TACC1: variants seen among roughly 807,000 people sequenced by gnomAD.
TACC1 encodes the protein transforming acidic coiled-coil containing protein 1.
A neutral mutation model predicts 84.4 loss-of-function variants in TACC1; 48 were observed. The observed-to-expected ratio is 0.57, with a 90% confidence interval of 0.45 to 0.72. TACC1 has a LOEUF of 0.72. Among genes scored for constraint, TACC1 ranks in the 30% least tolerant of loss-of-function variants. The pLI is 0.00. For missense variants in TACC1, 920 were observed against 973.0 expected (o/e 0.95, Z 0.72); for synonymous variants, 372 against 376.3 (o/e 0.99, Z 0.13).
Position 38,838,479 on chromosome 8 carries a change from A to G in TACC1, c.1849A>G (p.Lys617Glu), listed in dbSNP as rs750654452. The G allele has an allele frequency of 6.2e-6, 10 of 1,612,792 alleles. No homozygotes were observed. The highest frequency in any genetic ancestry group is 1.7e-4 in the Middle Eastern group (1 of 6,058). The stretch of plus-strand genomic sequence containing the variant: ...CTTTATTGTACTCTAGATAATTACT[A>G]AAGAGATTGAAGCAAATGAATGGAA... ...LTLIREEIIT[K>E]EIEANEWKKK... Residue 617 changes from lysine (K) to glutamate (E), a missense_variant, in exon 8 of 13, where the codon AAA becomes GAA. Lys to Glu is a moderately conservative substitution (Grantham distance 56). This residue lies in a region of TACC1 where 158 missense variants were observed against 225.6 expected (regional missense o/e 0.70). Transcript: ENST00000317827.
chr8:38,837,377 C>T (rs1588115520), intron 7 of TACC1, among the ~76,000 whole-genome samples: 1 of 151,876 alleles, frequency 6.6e-6, no homozygotes, highest in Admixed American at 6.6e-5. Flanking sequence ...GAGCCGAGAT[C>T]GCACCATTGC....
intron 3 of TACC1, among the ~76,000 whole-genome samples, chr8:38,780,146 T>C: frequency 6.6e-6 from 1 of 152,236 alleles, no homozygotes; most frequent in Non-Finnish European, 1.5e-5. Flanking sequence ...TCCTCATCCT[T>C]CCTACAGAGC....
At chr8:38,752,616 G>A (rs555965130) in intron 3 of TACC1, among the ~76,000 whole-genome samples, 36 of 152,088 alleles carry the variant, frequency 2.4e-4, no homozygotes, top group Non-Finnish European at 5.0e-4. Flanking sequence ...TCCATCACAG[G>A]CCATGTGTCC....
intron 4 of TACC1, among the ~76,000 whole-genome samples, chr8:38,826,840 G>A (rs186589878): frequency 5.9e-5 from 9 of 151,922 alleles, no homozygotes; most frequent in African/African-American, 1.9e-4. Flanking sequence ...ATGCAATGGG[G>A]GACATAGATT....
At chr8:38,748,511 A>T (rs547281277) in intron 3 of TACC1, among the ~76,000 whole-genome samples, 3 of 152,314 alleles carry the variant, frequency 2.0e-5, no homozygotes, top group African/African-American at 7.2e-5. Flanking sequence ...TTTCAAGTGC[A>T]CATGGAATGC....
At chr8:38,806,462 ATG>A (rs1375747906) in intron 2 of TACC1, among the ~76,000 whole-genome samples, 1 of 150,208 alleles carries the variant, frequency 6.7e-6, no homozygotes. Context: ...GTGTGTGTGT[ATG>A]TGTGTGTGTG....
chr8:38,748,205 T>A (rs1419051320), intron 3 of TACC1, among the ~76,000 whole-genome samples: 3 of 151,724 alleles, frequency 2.0e-5, no homozygotes, highest in Non-Finnish European at 4.4e-5. Flanking sequence ...AAAAAAAGTA[T>A]CATAAAAGAT....
At chr8:38,740,432 C>G (rs557573229) in intron 1 of TACC1, among the ~76,000 whole-genome samples, 4 of 152,320 alleles carry the variant, frequency 2.6e-5, no homozygotes, top group Admixed American at 2.6e-4. Context: ...AAGACAGAGT[C>G]TAGGGTTGCC....
chr8:38,836,165 C>A lies in TACC1; in HGVS notation c.1717C>A (p.Leu573Met). 6.2e-7 allele frequency: 1 copy of A among 1,613,258 alleles called. No individual in the cohort carries two copies. Among genetic ancestry groups the A allele is most frequent in the Non-Finnish European group, 8.5e-7 (1 of 1,179,674 alleles). Residue 573 changes from leucine (L) to methionine (M), a missense_variant, in exon 7 of 13, where the codon CTG becomes ATG. Transcript: ENST00000317827. ...AGTGTAATCCCTTTCCCCACAGGGG[C>A]TGCTGGAGTCCTCTGCAGAGAAGGC... is the stretch of plus-strand genomic sequence containing the variant. ...MEEDGSTVLG[L>M]LESSAEKAPV...
intron 1 of TACC1, chr8:38,787,956 C>G (rs1305807573): frequency 3.8e-6 from 2 of 528,348 alleles, no homozygotes; most frequent in Non-Finnish European, 6.6e-6. Context: ...TAGGAGAGTT[C>G]CGCACCCAAC....
At chr8:38,742,039 C>G (rs1346307408) in intron 1 of TACC1, among the ~76,000 whole-genome samples, 1 of 152,222 alleles carries the variant, frequency 6.6e-6, no homozygotes. Context: ...CAGACTGACA[C>G]TGTACACTTG....
chr8:38,798,984 A>T (rs1820683494), intron 2 of TACC1, among the ~76,000 whole-genome samples: 1 of 152,242 alleles, frequency 6.6e-6, no homozygotes, highest in African/African-American at 2.4e-5. Context: ...ACCCAAAGAC[A>T]TGAAACTGGG....
intron 1 of TACC1, among the ~76,000 whole-genome samples, chr8:38,740,574 T>C (rs941041473): frequency 1.3e-5 from 2 of 152,196 alleles, no homozygotes; most frequent in Admixed American, 1.3e-4. Context: ...AAGTTTGTGA[T>C]GATGGGCAAA....
chr8:38,766,308 G>A (rs1021742278), intron 3 of TACC1, among the ~76,000 whole-genome samples: 1 of 152,088 alleles, frequency 6.6e-6, no homozygotes, highest in Admixed American at 6.5e-5. Context: ...AATCTTATAT[G>A]TCTGCTACAT....
chr8:38,767,558 G>T (rs960450425), intron 3 of TACC1, among the ~76,000 whole-genome samples: 2 of 152,340 alleles, frequency 1.3e-5, no homozygotes, highest in South Asian at 2.1e-4. Context: ...TCTAGAGTGG[G>T]CTTCTTTTAC....
chr8:38,842,323 G>C lies in TACC1; in HGVS notation c.1997G>C (p.Ser666Thr). 1 of 1,614,064 alleles carries C rather than the reference G, an allele frequency of 6.2e-7. No individual in the cohort carries two copies. ...AGGACAAGTATGACCTCTCAGAAGA[G>C]CTTCCAGCAACTGACCATGGAGAAG... ...EQRTSMTSQK[S>T]FQQLTMEKEQ... The change falls in exon 10 of 13, where the codon AGC becomes ACC. Residue 666 changes from serine to threonine, a missense_variant. Ser to Thr is a moderately conservative substitution (Grantham distance 58). Around this residue, in one of 2 missense-constraint regions of TACC1, gnomAD observed 158 missense variants for 225.6 expected, o/e 0.70. Coordinates refer to ENST00000317827, the MANE Select transcript of TACC1 (RefSeq NM_006283.3).
chr8:38,816,919 A>G (rs1825564450), intron 2 of TACC1, among the ~76,000 whole-genome samples: 1 of 151,960 alleles, frequency 6.6e-6, no homozygotes, highest in Non-Finnish European at 1.5e-5. Context: ...GAAAGTTGCA[A>G]CCCTCTAATC....
intron 3 of TACC1, among the ~76,000 whole-genome samples, chr8:38,763,321 T>TA (rs557962928): frequency 3.0e-4 from 44 of 148,552 alleles, no homozygotes; most frequent in South Asian, 4.3e-4. Flanking sequence ...GCTATTTGTT[T>TA]AAAAAAAAAA....
rs1832819694 is a variant in TACC1 at position 38,849,495 on chromosome 8, G to A, written c.*1472G>A. The A allele has an allele frequency of 6.6e-6, 1 of 152,210 alleles. No homozygotes were observed. Among genetic ancestry groups the A allele is most frequent in the Admixed American group, 6.5e-5 (1 of 15,286 alleles). 9.4% of individuals were successfully genotyped at this position (152,210 alleles called of 1,614,324 possible). A position where few individuals can be genotyped will look rare whatever the true frequency, so the allele number is the denominator to read the frequency against. On this transcript the variant is annotated 3_prime_UTR_variant, in exon 13 of 13. Transcript: ENST00000317827. Reference sequence around the variant, plus strand: ...TTCATGGTGATATGCACTATATTCAGTATACGTATGTTTTCCTACTTCTCT... The same window carrying A: ...TTCATGGTGATATGCACTATATTCAATATACGTATGTTTTCCTACTTCTCT...
Sources: gnomAD v4.1 joint callset for allele counts (sites outside exome capture counted in the v4.1 genomes callset) on GRCh38, gnomAD v4.1.1 for gene constraint, gnomAD v4.1.1 regional missense constraint, MANE v1.5 for transcripts, NCBI Gene and HGNC (gene_info 2026-07-23, HGNC 2026-07-21) for gene names.